Variants in TNNI3 observed in about 807,000 individuals in gnomAD.
The protein encoded by TNNI3 is troponin I, cardiac muscle.
Under a neutral mutation model 31.5 loss-of-function variants are expected in TNNI3, and 23 were observed. That is an observed-to-expected ratio of 0.73 (90% confidence interval 0.52 to 1.03). TNNI3 has a LOEUF of 1.03. TNNI3 is among the 50% of genes least tolerant of loss of function. The probability of loss-of-function intolerance (pLI) is 0.00; values close to 1 mark genes in which losing one functional copy is unlikely to be tolerated. For missense variants in TNNI3, 236 were observed against 282.9 expected, an observed-to-expected ratio of 0.83 and a Z score of 1.19; for synonymous variants, 120 against 111.7, an observed-to-expected ratio of 1.07 and a Z score of -0.47.
In TNNI3 at chr19:55,156,368, G is replaced by A. The variant is rs756272934; in HGVS notation, c.151-36C>T. On this transcript the variant is annotated intron_variant, in intron 4 of 7. Transcript: ENST00000344887. The surrounding 1 kb of genome is among the most constrained non-coding windows in gnomAD (Gnocchi z 4.6). ...GTGGGAGGGAAGCGCAGCCCACCCG[G>A]GGCTTCAGGATAAAGACCAGGCGTG... The A allele has an allele frequency of 6.3e-7, 1 of 1,595,968 alleles. No individual in the cohort carries two copies. The highest frequency in any genetic ancestry group is 1.1e-5 in the South Asian group (1 of 89,170).
Position 55,154,098 on chromosome 19 carries a change from C to T in TNNI3, c.481G>A (p.Ala161Thr), listed in dbSNP as rs1599909172. 2 of 1,613,036 alleles carry T rather than the reference C, an allele frequency of 1.2e-6. No homozygotes were observed. Among genetic ancestry groups the T allele is most frequent in the South Asian group, 2.2e-5 (2 of 91,044 alleles). ...ADAMMQALLG[A>T]RAKESLDLRA... is the part of the protein sequence containing the mutation. The stretch of plus-strand genomic sequence containing the variant: ...AGGTCCAGGGACTCCTTAGCCCGGG[C>T]CCCCAGCAGCGCCTGCATCATGGCA... Residue 161 changes from alanine to threonine, a missense_variant, in exon 7 of 8, where the codon GCC becomes ACC. Ala to Thr is a moderately conservative substitution (Grantham distance 58, BLOSUM62 0). Around this residue, in one of 4 missense-constraint regions of TNNI3, gnomAD observed 34 missense variants for 52.7 expected, o/e 0.65. Coordinates refer to ENST00000344887, the MANE Select transcript of TNNI3 (RefSeq NM_000363.5).
Position 55,154,850 on chromosome 19 carries a change from T to G in TNNI3, c.283-20A>C. The stretch of plus-strand genomic sequence containing the variant: ...CAAGTCCTGGAGGAGGAACGTGGTG[T>G]GTGTTGTTGGGGGAACCAAAAACAG... On this transcript the variant is annotated intron_variant, in intron 5 of 7. Transcript: ENST00000344887. 1 of 1,613,200 alleles carries G rather than the reference T, an allele frequency of 6.2e-7. No individual in the cohort carries two copies. Among genetic ancestry groups the G allele is most frequent in the Non-Finnish European group, 8.5e-7 (1 of 1,179,276 alleles).
At chr19:55,155,053 G>A (rs1249114364) in intron 5 of TNNI3, among the ~76,000 whole-genome samples, 1 of 141,896 alleles carries the variant, frequency 7.0e-6, no homozygotes, top group Non-Finnish European at 1.5e-5. Context: ...GGGTCTGAGG[G>A]AGGAGGGGCT....
chr19:55,155,446 G>C lies in TNNI3; in HGVS notation c.283-616C>G, dbSNP rs559796625. 7.3e-5 allele frequency among the ~76,000 whole-genome samples: 6 copies of C among 81,802 alleles called. No individual in the cohort carries two copies. The East Asian group carries it at 2.2e-3, about 30-fold the overall frequency. 53.7% of individuals were successfully genotyped at this position (81,802 alleles called of 152,430 possible). On this transcript the variant is annotated intron_variant, in intron 5 of 7. Coordinates refer to ENST00000344887, the MANE Select transcript of TNNI3 (RefSeq NM_000363.5). Reference sequence around the variant, plus strand: ...GGCTGGGGCCTGGACTCCAGGGTCTGAGGGAGGAGGGGCTGGGGCCTGGAC... The same window carrying C: ...GGCTGGGGCCTGGACTCCAGGGTCTCAGGGAGGAGGGGCTGGGGCCTGGAC...
rs1261568609 is a variant in TNNI3 at position 55,154,702 on chromosome 19, C to T, written c.372+39G>A. On this transcript the variant is annotated intron_variant, in intron 6 of 7. Coordinates refer to ENST00000344887, the MANE Select transcript of TNNI3 (RefSeq NM_000363.5). ...CAGAGACCAAGTCCCAGCCATCTCA[C>T]CCTACCCCGAAGGTACCCGAGCTGC... is the stretch of plus-strand genomic sequence containing the variant. 3.1e-6 allele frequency: 5 copies of T among 1,588,708 alleles called. No individual in the cohort carries two copies. In the African/African-American group the frequency reaches 6.7e-5, roughly 21 times the overall value.
In TNNI3 at chr19:55,152,690, A is replaced by G. The variant is rs2085701913; in HGVS notation, c.550-773T>C. On this transcript the variant is annotated intron_variant, in intron 7 of 7. Coordinates refer to ENST00000344887, the MANE Select transcript of TNNI3 (RefSeq NM_000363.5). The surrounding 1 kb of genome is among the most constrained non-coding windows in gnomAD (Gnocchi z 4.0). ...ATCCAAGCTGGAGTGCAGTCGTGCA[A>G]TCTCGGCTCACTGCAGCCTCAACTT... Among the ~76,000 whole-genome samples the G allele has an allele frequency of 6.6e-6, 1 of 152,112 alleles. No individual in the cohort carries two copies. Among genetic ancestry groups the G allele is most frequent in the Non-Finnish European group, 1.5e-5 (1 of 68,010 alleles).
At chr19:55,154,507 C>A in intron 6 of TNNI3, 2 of 630,242 alleles carry the variant, frequency 3.2e-6, no homozygotes. Context: ...AGCATGTTCA[C>A]TAACTTATTT....
rs1379048373 is a variant in TNNI3 at position 55,157,494 on chromosome 19, C to T, written c.11+85G>A. The T allele has an allele frequency of 6.3e-7, 1 of 1,595,500 alleles. No individual in the cohort carries two copies. The highest frequency in any genetic ancestry group is 8.6e-7 in the Non-Finnish European group (1 of 1,166,082). On this transcript the variant is annotated intron_variant, in intron 1 of 7. Transcript: ENST00000344887. The surrounding 1 kb of genome is among the most constrained non-coding windows in gnomAD (Gnocchi z 6.3). The stretch of plus-strand genomic sequence containing the variant: ...AGAGTCCCTACGCCTACCTCGCAGG[C>T]CAAGGGTCCAGCCTCTCAGCTGCGA...
Position 55,156,103 on chromosome 19 carries a change from C to T in TNNI3, c.282+98G>A. 6.3e-7 allele frequency: 1 copy of T among 1,578,770 alleles called. No individual in the cohort carries two copies. The highest frequency in any genetic ancestry group is 8.7e-7 in the Non-Finnish European group (1 of 1,151,116). On this transcript the variant is annotated intron_variant, in intron 5 of 7. Coordinates refer to ENST00000344887, the MANE Select transcript of TNNI3 (RefSeq NM_000363.5). The surrounding 1 kb of genome is among the most constrained non-coding windows in gnomAD (Gnocchi z 4.6). ...CGAACCATATATAATTGGGTAAGGA[C>T]AGCCATATTGGACGCCTGGGTCCCG... is the stretch of plus-strand genomic sequence containing the variant.
At position 55,156,598 on chromosome 19, in the gene TNNI3, C is replaced by A; in HGVS notation, c.150+5G>T. ...CTGCTCTTTCCCAGTCCCGCCCGTCCTCACCTTCAGCTGCAATTTTCTCGA... is the reference window on the plus strand; with the variant it reads ...CTGCTCTTTCCCAGTCCCGCCCGTCATCACCTTCAGCTGCAATTTTCTCGA... On this transcript the variant is annotated splice_donor_5th_base_variant and intron_variant, in intron 4 of 7. Transcript: ENST00000344887. The surrounding 1 kb of genome is among the most constrained non-coding windows in gnomAD (Gnocchi z 4.6). The A allele has an allele frequency of 6.4e-7, 1 of 1,562,266 alleles. No homozygotes were observed. The highest frequency in any genetic ancestry group is 1.7e-4 in the Middle Eastern group (1 of 5,994).
At position 55,156,205 on chromosome 19, in the gene TNNI3, A is replaced by G. The variant is rs776035548; in HGVS notation, c.278T>C (p.Leu93Pro). The G allele has an allele frequency of 4.3e-6, 7 of 1,612,606 alleles. No individual in the cohort carries two copies. The highest frequency in any genetic ancestry group is 5.9e-6 in the Non-Finnish European group (7 of 1,179,830). The change falls in exon 5 of 8, where the codon CTG becomes CCG. Residue 93 changes from leucine to proline, a missense_variant. Leu to Pro is a moderately conservative substitution (Grantham distance 98). Transcript: ENST00000344887. The surrounding 1 kb of genome is among the most constrained non-coding windows in gnomAD (Gnocchi z 4.6). ...CGCATCCTTGGGAGCCGGTACCTGCAGCTCCGCGAAGCCCAGCCCGGCCAA... is the reference window on the plus strand; with the variant it reads ...CGCATCCTTGGGAGCCGGTACCTGCGGCTCCGCGAAGCCCAGCCCGGCCAA... ...LELAGLGFAELQDLCRQLHAR... is the reference protein window; with the variant it reads ...LELAGLGFAEPQDLCRQLHAR...
In TNNI3 at chr19:55,156,295, C is replaced by T. The variant is rs1205435733; in HGVS notation, c.188G>A (p.Arg63Gln). 1.2e-6 allele frequency: 2 copies of T among 1,610,768 alleles called. No individual in the cohort carries two copies. Among genetic ancestry groups the T allele is most frequent in the Admixed American group, 1.7e-5 (1 of 59,746 alleles). Residue 63 changes from arginine (R) to glutamine (Q), a missense_variant, in exon 5 of 8, where the codon CGA becomes CAA. By Grantham distance (43) the Arg-to-Gln change is conservative. Around this residue, in one of 4 missense-constraint regions of TNNI3, gnomAD observed 172 missense variants for 171.8 expected, o/e 1.00. Coordinates refer to ENST00000344887, the MANE Select transcript of TNNI3 (RefSeq NM_000363.5). The surrounding 1 kb of genome is among the most constrained non-coding windows in gnomAD (Gnocchi z 4.6). ...CTCTCCGCGCCGCTCCTCCGCCTCT[C>T]GCTCCAGCTCTTGCTTTGCAATCTG... The part of the protein sequence containing the change: ...LLQIAKQELE[R>Q]EAEERRGEKG...
chr19:55,154,721 G>C lies in TNNI3; in HGVS notation c.372+20C>G. The C allele has an allele frequency of 6.2e-7, 1 of 1,611,990 alleles. No homozygotes were observed. The highest frequency in any genetic ancestry group is 8.5e-7 in the Non-Finnish European group (1 of 1,178,236). ...ATCTCACCCTACCCCGAAGGTACCC[G>C]AGCTGCCCATGCGTCCCACCTCCGT... On this transcript the variant is annotated intron_variant, in intron 6 of 7. Transcript: ENST00000344887.
At position 55,152,170 on chromosome 19, in the gene TNNI3, T is replaced by G. The variant is rs1645229693; in HGVS notation, c.550-253A>C. Among the ~76,000 whole-genome samples the G allele has an allele frequency of 6.9e-6, 1 of 144,430 alleles. No homozygotes were observed. Among genetic ancestry groups the G allele is most frequent in the South Asian group, 2.2e-4 (1 of 4,634 alleles). The allele number at this position is 144,430 out of a possible 152,430, so 94.8% of individuals were successfully genotyped here. ...AGCACTTCCTGTCTCCCTCATGTAC[T>G]TTCTGTCTTTCCCCATCCACTTCCT... On this transcript the variant is annotated intron_variant, in intron 7 of 7. Transcript: ENST00000344887. This position sits in a 1 kb window ranked among gnomAD's most constrained non-coding sequence, Gnocchi z 4.0.
rs2085735711 is a variant in TNNI3 at position 55,156,903 on chromosome 19, A to G, written c.108+147T>C. 3 of 1,008,298 alleles carry G rather than the reference A, an allele frequency of 3.0e-6. No homozygotes were observed. The highest frequency in any genetic ancestry group is 1.6e-5 in the African/African-American group (1 of 62,674). The allele number at this position is 1,008,298 out of a possible 1,614,324, so 62.5% of individuals were successfully genotyped here. A position where few individuals can be genotyped will look rare whatever the true frequency, so the allele number is the denominator to read the frequency against. On this transcript the variant is annotated intron_variant, in intron 3 of 7. Coordinates refer to ENST00000344887, the MANE Select transcript of TNNI3 (RefSeq NM_000363.5). This position sits in a 1 kb window ranked among gnomAD's most constrained non-coding sequence, Gnocchi z 4.6. ...TTCCGCCCGCAGGCTGCTGTCACCAATCCGAGCATGACCCTCTGCAAAACT... is the reference window on the plus strand; with the variant it reads ...TTCCGCCCGCAGGCTGCTGTCACCAGTCCGAGCATGACCCTCTGCAAAACT...
At chr19:55,155,491 G>A (rs1323077946) in intron 5 of TNNI3, among the ~76,000 whole-genome samples, 1 of 84,062 alleles carries the variant, frequency 1.2e-5, no homozygotes, top group Admixed American at 1.1e-4. Flanking sequence ...TGAGGGAGGA[G>A]GGGCTGGGGA....
chr19:55,154,896 C>G, intron 5 of TNNI3, 66 bp from the exon 6 acceptor site: 1 of 1,460,006 alleles, frequency 6.8e-7, no homozygotes, highest in Non-Finnish European at 9.6e-7. Flanking sequence ...ACTCCTGGGT[C>G]TGAGGGAGAA....
chr19:55,157,015 C>A lies in TNNI3; in HGVS notation c.108+35G>T. The A allele has an allele frequency of 6.4e-7, 1 of 1,555,850 alleles. No homozygotes were observed. The highest frequency in any genetic ancestry group is 1.2e-5 in the South Asian group (1 of 85,082). On this transcript the variant is annotated intron_variant, in intron 3 of 7. Transcript: ENST00000344887. The surrounding 1 kb of genome is among the most constrained non-coding windows in gnomAD (Gnocchi z 6.3). The stretch of plus-strand genomic sequence containing the variant: ...CTCCCAGGGTCTTGGATCCCTCCGG[C>A]GCCTGTACTCTGCCCCCAGGAAGCC...
At position 55,154,957 on chromosome 19, in the gene TNNI3, G is replaced by A. The variant is rs2085718091; in HGVS notation, c.283-127C>T. On this transcript the variant is annotated intron_variant, in intron 5 of 7. Coordinates refer to ENST00000344887, the MANE Select transcript of TNNI3 (RefSeq NM_000363.5). ...TCTGAGGGAGGAGAAGGGGCTGGGG[G>A]CCTGGACTCCTGGGTCTGAGGGAGG... 15 of 789,770 alleles carry A rather than the reference G, an allele frequency of 1.9e-5. No individual in the cohort carries two copies. In the Admixed American group the frequency reaches 2.4e-4, roughly 13 times the overall value. 48.9% of individuals were successfully genotyped at this position (789,770 alleles called of 1,614,324 possible).
Sources: allele counts gnomAD v4.1 joint callset (sites outside exome capture counted in the v4.1 genomes callset), GRCh38; gene constraint gnomAD v4.1.1; regional missense constraint gnomAD v4.1.1; non-coding constraint Gnocchi (gnomAD v3.1); transcripts MANE v1.5; gene names NCBI Gene and HGNC (gene_info 2026-07-23, HGNC 2026-07-21).